Variants in STARD13 observed in about 807,000 individuals in gnomAD.
STARD13 encodes StAR related lipid transfer domain containing 13.
STARD13 carries 62 observed loss-of-function variants against 106.4 expected under a neutral mutation model. The observed-to-expected ratio is 0.58, with a 90% confidence interval of 0.48 to 0.72. The LOEUF (loss-of-function observed/expected upper bound fraction) is 0.72. Among genes scored for constraint, STARD13 ranks in the 30% least tolerant of loss-of-function variants. The probability of loss-of-function intolerance (pLI) is 0.00; values close to 1 mark genes in which losing one functional copy is unlikely to be tolerated. For missense variants in STARD13, 1,387 were observed against 1,424.0 expected (o/e 0.97, Z 0.42); for synonymous variants, 565 against 553.0 (o/e 1.02, Z -0.31).
chr13:33,633,848 T>C, the STARD13 span, among the ~76,000 whole-genome samples: 1 of 152,146 alleles, frequency 6.6e-6, no homozygotes, highest in Non-Finnish European at 1.5e-5. Context: ...ATTAAATGAG[T>C]AGGCACAGTG....
chr13:33,145,015 T>C (rs1880339103), intron 3 of STARD13, among the ~76,000 whole-genome samples: 1 of 152,224 alleles, frequency 6.6e-6, no homozygotes, highest in Non-Finnish European at 1.5e-5. Flanking sequence ...AGCTGAAGAC[T>C]CTAAGTAGAT....
At chr13:33,175,331 G>A (rs1884403866) in intron 1 of STARD13, among the ~76,000 whole-genome samples, 1 of 152,160 alleles carries the variant, frequency 6.6e-6, no homozygotes, top group Non-Finnish European at 1.5e-5. Context: ...TCTTCAAGAT[G>A]GAGTCAGTCA....
chr13:33,146,729 A>G (rs879506038), intron 3 of STARD13, among the ~76,000 whole-genome samples: 4 of 152,240 alleles, frequency 2.6e-5, no homozygotes, highest in Non-Finnish European at 5.9e-5. Flanking sequence ...ACTTTTTAAG[A>G]AAGCTGTAAA....
At chr13:33,276,594 A>G (rs1252893251) in intron 1 of STARD13, 2 of 152,206 alleles carry the variant, frequency 1.3e-5, no homozygotes, top group Non-Finnish European at 1.5e-5. Context: ...ATATAAATGT[A>G]TATGAAATGC....
intron 4 of STARD13, among the ~76,000 whole-genome samples, chr13:33,133,718 T>A (rs1180911573): frequency 2.6e-5 from 4 of 152,164 alleles, no homozygotes; most frequent in Non-Finnish European, 5.9e-5. Context: ...TACTTTTTAA[T>A]CTAGTTTAGC....
chr13:33,546,926 T>C, the STARD13 span, among the ~76,000 whole-genome samples: 26 of 152,222 alleles, frequency 1.7e-4, no homozygotes, highest in Non-Finnish European at 2.2e-4. Flanking sequence ...TTGGAATAGC[T>C]CATTTTAAGC....
chr13:33,575,911 C>T, the STARD13 span, among the ~76,000 whole-genome samples: 19 of 151,972 alleles, frequency 1.3e-4, no homozygotes, highest in African/African-American at 4.4e-4. Context: ...TCCCTCTATG[C>T]CAGACACTTG....
At chr13:33,441,047 C>G in the STARD13 span, among the ~76,000 whole-genome samples, 1 of 152,026 alleles carries the variant, frequency 6.6e-6, no homozygotes, top group Admixed American at 6.6e-5. Context: ...CACACACATA[C>G]AGATCCCCTG....
chr13:33,126,261 G>T (rs1877155713), intron 6 of STARD13, 21 bp from the exon 7 acceptor site: 1 of 1,611,862 alleles, frequency 6.2e-7, no homozygotes, highest in Admixed American at 1.7e-5. Context: ...CAGAAACCAG[G>T]TCATGCAAGC....
chr13:33,575,513 G>A, the STARD13 span, among the ~76,000 whole-genome samples: 1 of 152,154 alleles, frequency 6.6e-6, no homozygotes, highest in Non-Finnish European at 1.5e-5. Flanking sequence ...TGGTGATGTT[G>A]GGAGGTGGGG....
At chr13:33,285,985 A>G (rs923530990), upstream of STARD13, among the ~76,000 whole-genome samples, 3 of 151,986 alleles carry the variant, frequency 2.0e-5, no homozygotes, top group African/African-American at 7.3e-5. Context: ...AGCAGCCCTC[A>G]CTAAAGGAGT....
the STARD13 span, among the ~76,000 whole-genome samples, chr13:33,443,204 C>T: frequency 4.0e-5 from 6 of 151,720 alleles, no homozygotes; most frequent in African/African-American, 1.2e-4. Context: ...GGTGAAGACC[C>T]GTCTCTACTA....
chr13:33,170,032 G>A (rs1418437227), intron 1 of STARD13, among the ~76,000 whole-genome samples: 2 of 126,562 alleles, frequency 1.6e-5, no homozygotes, highest in Non-Finnish European at 3.4e-5. Flanking sequence ...AGGAGAGGTG[G>A]GGATCATTAA....
At position 33,283,909 on chromosome 13, in the gene STARD13, G is replaced by A. The variant is rs540062798; in HGVS notation, c.169+1561C>T. Among the ~76,000 whole-genome samples, 9 of 152,174 alleles carry A rather than the reference G, an allele frequency of 5.9e-5. No homozygotes were observed. In the South Asian group the frequency reaches 1.7e-3, roughly 28 times the overall value. Reference sequence around the variant, plus strand: ...AATTATTGTAAATACATCTAAGGAGGTCTGCAAAGCAATTTCAGCTAGTTC... The same window carrying A: ...AATTATTGTAAATACATCTAAGGAGATCTGCAAAGCAATTTCAGCTAGTTC... On this transcript the variant is annotated intron_variant, in intron 1 of 13. Coordinates refer to ENST00000336934, the MANE Select transcript of STARD13 (RefSeq NM_178006.4).
At chr13:33,363,949 A>C in the STARD13 span, among the ~76,000 whole-genome samples, 1 of 152,208 alleles carries the variant, frequency 6.6e-6, no homozygotes, top group Non-Finnish European at 1.5e-5. Flanking sequence ...ATCCATTAAA[A>C]AGATAGAAAA....
At chr13:33,227,028 C>A (rs1440969228) in intron 1 of STARD13, among the ~76,000 whole-genome samples, 89 of 152,222 alleles carry the variant, frequency 5.8e-4, no homozygotes, top group Non-Finnish European at 1.1e-3. Context: ...GAACCTCTGC[C>A]CCAGAGAAAA....
At chr13:33,299,576 C>A (rs1241264399) in intron 1 of STARD13, among the ~76,000 whole-genome samples, 2 of 152,188 alleles carry the variant, frequency 1.3e-5, no homozygotes. Context: ...CCCATAATTT[C>A]TCAAACCTGG....
chr13:33,280,922 T>C (rs115851214), intron 1 of STARD13: 37 of 152,262 alleles, frequency 2.4e-4, no homozygotes, highest in African/African-American at 8.9e-4. Context: ...GTTGCTGAGG[T>C]AGAACAAAAA....
intron 1 of STARD13, among the ~76,000 whole-genome samples, chr13:33,205,183 A>C (rs1241588463): frequency 6.6e-6 from 1 of 152,240 alleles, no homozygotes; most frequent in Non-Finnish European, 1.5e-5. Context: ...AAGCCGTTGA[A>C]AAATGTATTA....
Sources: gnomAD v4.1 joint callset for allele counts (sites outside exome capture counted in the v4.1 genomes callset) on GRCh38, gnomAD v4.1.1 for gene constraint, MANE v1.5 for transcripts, NCBI Gene and HGNC (gene_info 2026-07-23, HGNC 2026-07-21) for gene names.